The following RBMS3 variants were observed in gnomAD, a reference collection of about 807,000 sequenced individuals.
RBMS3 encodes RNA binding motif single stranded interacting protein 3.
RBMS3 carries 27 observed loss-of-function variants against 66.8 expected under a neutral mutation model. That is an observed-to-expected ratio of 0.40 (90% CI 0.30 to 0.56). The LOEUF (loss-of-function observed/expected upper bound fraction) is 0.56. Ranked by LOEUF, RBMS3 falls within the 20% of genes least tolerant of loss-of-function variation. RBMS3 has a pLI of 0.40. For missense variants in RBMS3, 513 were observed against 549.5 expected (o/e 0.93, Z 0.66); for synonymous variants, 188 against 183.0 (o/e 1.03, Z -0.22).
chr3:29,913,895 T>C (rs563690927), intron 10 of RBMS3, among the ~76,000 whole-genome samples: 1 of 152,082 alleles, frequency 6.6e-6, no homozygotes. Flanking sequence ...AATACTCAGA[T>C]TCTGATATCA....
intron 8 of RBMS3, among the ~76,000 whole-genome samples, chr3:29,890,694 T>C (rs2059980353): frequency 6.6e-6 from 1 of 151,588 alleles, no homozygotes; most frequent in African/African-American, 2.4e-5. Flanking sequence ...TACAAAACTA[T>C]TGCGATTAAA....
intron 3 of RBMS3, among the ~76,000 whole-genome samples, chr3:29,547,433 C>G (rs968515509): frequency 2.0e-5 from 3 of 152,050 alleles, no homozygotes; most frequent in African/African-American, 7.2e-5. Flanking sequence ...TCTATCATTA[C>G]TCTTCTATCA....
chr3:29,475,470 G>A (rs1046895083), intron 2 of RBMS3, among the ~76,000 whole-genome samples: 9 of 151,964 alleles, frequency 5.9e-5, no homozygotes, highest in African/African-American at 1.5e-4. Flanking sequence ...GGCTGGTCAC[G>A]AACCCTTGAG....
At chr3:29,325,498 A>G (rs2035268608) in intron 1 of RBMS3, among the ~76,000 whole-genome samples, 1 of 149,430 alleles carries the variant, frequency 6.7e-6, no homozygotes, top group African/African-American at 2.5e-5. Flanking sequence ...ATCCCATTAA[A>G]TGCATATATA....
chr3:29,896,963 C>G (rs1041414990), intron 8 of RBMS3, among the ~76,000 whole-genome samples: 1 of 151,616 alleles, frequency 6.6e-6, no homozygotes, highest in African/African-American at 2.4e-5. Flanking sequence ...ATATCCATAA[C>G]TTTCTAGGAA....
At chr3:29,428,668 T>G (rs2041058418) in intron 1 of RBMS3, among the ~76,000 whole-genome samples, 1 of 152,088 alleles carries the variant, frequency 6.6e-6, no homozygotes, top group South Asian at 2.1e-4. Context: ...CCCAGTTGAT[T>G]CACTTTTCAA....
chr3:29,897,299 C>G, intron 8 of RBMS3, 80 bp from the exon 9 acceptor site: 1 of 1,257,410 alleles, frequency 8.0e-7, no homozygotes, highest in Non-Finnish European at 1.2e-6. Context: ...ATGTCTTTCC[C>G]ATAGGTACTT....
At chr3:29,465,989 G>A (rs963459880) in intron 2 of RBMS3, among the ~76,000 whole-genome samples, 1 of 151,834 alleles carries the variant, frequency 6.6e-6, no homozygotes, top group Non-Finnish European at 1.5e-5. Context: ...CTGGGCTCAC[G>A]ATTTTTGGAT....
intron 4 of RBMS3, among the ~76,000 whole-genome samples, chr3:29,696,389 A>G (rs2052277418): frequency 6.6e-6 from 1 of 152,084 alleles, no homozygotes; most frequent in African/African-American, 2.4e-5. Context: ...TGCCATTATT[A>G]TTGCAAGCTA....
intron 3 of RBMS3, among the ~76,000 whole-genome samples, chr3:29,513,982 C>T (rs1436138982): frequency 6.6e-6 from 1 of 152,160 alleles, no homozygotes; most frequent in Admixed American, 6.5e-5. Context: ...AAAGCATTCT[C>T]TGCCCTTGCT....
At chr3:29,917,999 C>T (rs1425228238) in intron 10 of RBMS3, among the ~76,000 whole-genome samples, 1 of 152,030 alleles carries the variant, frequency 6.6e-6, no homozygotes, top group Non-Finnish European at 1.5e-5. Context: ...AAAGATTAAC[C>T]TGAATATAAC....
At chr3:29,922,424 T>C (rs1476412156) in intron 10 of RBMS3, among the ~76,000 whole-genome samples, 2 of 148,968 alleles carry the variant, frequency 1.3e-5, no homozygotes, top group Non-Finnish European at 3.0e-5. Flanking sequence ...GAAGCGGAGC[T>C]TTCAGTGAGC....
chr3:29,786,729 A>G (rs1031730852), intron 6 of RBMS3, among the ~76,000 whole-genome samples: 1 of 152,344 alleles, frequency 6.6e-6, no homozygotes, highest in African/African-American at 2.4e-5. Flanking sequence ...AGCTGAAACC[A>G]TAAAGATTCT....
intron 1 of RBMS3, among the ~76,000 whole-genome samples, chr3:29,410,686 T>C (rs1490912832): frequency 6.6e-6 from 1 of 152,204 alleles, no homozygotes; most frequent in Non-Finnish European, 1.5e-5. Context: ...TTTTAAATTC[T>C]GAATAGAAAG....
intron 10 of RBMS3, among the ~76,000 whole-genome samples, chr3:29,913,104 G>A (rs2060555888): frequency 6.6e-6 from 1 of 151,926 alleles, no homozygotes; most frequent in African/African-American, 2.4e-5. Context: ...GATTTTAACA[G>A]TACTAGACTC....
chr3:29,759,467 C>A (rs907476581), intron 5 of RBMS3, among the ~76,000 whole-genome samples: 2 of 152,100 alleles, frequency 1.3e-5, no homozygotes, highest in Non-Finnish European at 2.9e-5. Flanking sequence ...GTTTCAGGTA[C>A]CGCCTAGGAA....
chr3:29,797,001 C>T (rs1033346697), intron 6 of RBMS3, among the ~76,000 whole-genome samples: 2 of 152,072 alleles, frequency 1.3e-5, no homozygotes, highest in African/African-American at 4.8e-5. Context: ...CGTGAGCCAC[C>T]GAGCCCGGCC....
At chr3:29,751,136 C>G (rs2055163517) in intron 5 of RBMS3, among the ~76,000 whole-genome samples, 2 of 152,072 alleles carry the variant, frequency 1.3e-5, no homozygotes, top group South Asian at 4.1e-4. Flanking sequence ...GGGAAACTCT[C>G]CCTGCAGCTT....
At chr3:29,993,918 G>C (rs565494380) in intron 14 of RBMS3, among the ~76,000 whole-genome samples, 1 of 152,266 alleles carries the variant, frequency 6.6e-6, no homozygotes, top group South Asian at 2.1e-4. Flanking sequence ...CTCTGTATCG[G>C]GGGGAGGAAC....
Sources: allele counts gnomAD v4.1 joint callset (sites outside exome capture counted in the v4.1 genomes callset), GRCh38; gene constraint gnomAD v4.1.1; transcripts MANE v1.5; gene names NCBI Gene and HGNC (gene_info 2026-07-23, HGNC 2026-07-21).